CDK11B: variants seen among roughly 807,000 people sequenced by gnomAD.
CDK11B encodes cyclin-dependent kinase 11B.
Under a neutral mutation model 84.0 loss-of-function variants are expected in CDK11B, and 37 were observed. That is an observed-to-expected ratio of 0.44 (90% confidence interval 0.34 to 0.58). The LOEUF (loss-of-function observed/expected upper bound fraction) is 0.58. Among genes scored for constraint, CDK11B ranks in the 20% least tolerant of loss-of-function variants. The probability of loss-of-function intolerance (pLI) is 0.02; values close to 1 mark genes in which losing one functional copy is unlikely to be tolerated. For synonymous variants in CDK11B, 269 were observed against 309.8 expected (o/e 0.87, Z 1.38); for missense variants, 427 against 834.0 (o/e 0.51, Z 6.01).
intron 5 of CDK11B, among the ~76,000 whole-genome samples, chr1:1,648,349 C>T (rs1253663109): frequency 6.6e-6 from 1 of 152,214 alleles, no homozygotes; most frequent in East Asian, 1.9e-4. Flanking sequence ...GAATGTTTCA[C>T]ACACTAACAG....
chr1:1,646,565 G>C, intron 5 of CDK11B: 1 of 496,386 alleles, frequency 2.0e-6, no homozygotes, highest in Non-Finnish European at 4.0e-6. Flanking sequence ...AGGAGAGATA[G>C]TTACAGGATA....
At chr1:1,637,560 C>G in intron 13 of CDK11B, 47 bp from the exon 14 acceptor site, 1 of 1,608,582 alleles carries the variant, frequency 6.2e-7, no homozygotes, top group South Asian at 1.1e-5. Context: ...AGGCCCCCAC[C>G]CACCCCTGCA....
chr1:1,638,964 G>C (rs189980122), intron 11 of CDK11B, among the ~76,000 whole-genome samples: 1 of 141,928 alleles, frequency 7.0e-6, no homozygotes, highest in Non-Finnish European at 1.5e-5. Context: ...TTTTTGAGAC[G>C]GAGTCTCGCT....
intron 12 of CDK11B, 131 bp downstream of exon 12, chr1:1,638,369 C>G: frequency 2.7e-6 from 2 of 728,416 alleles, no homozygotes; most frequent in Middle Eastern, 2.6e-4. Context: ...CCTCTGGCTT[C>G]TAGAGGTGCT....
intron 3 of CDK11B, chr1:1,654,058 T>C: frequency 2.3e-6 from 1 of 432,904 alleles, no homozygotes; most frequent in Non-Finnish European, 4.6e-6. Flanking sequence ...CAAAGCGTCA[T>C]TTAACAGTAT....
Position 1,656,752 on chromosome 1 carries a change from A to T in CDK11B, c.111+623T>A, listed in dbSNP as rs574736655. On this transcript the variant is annotated intron_variant, in intron 2 of 19. Transcript: ENST00000341832. ...CAGTGCGAGACTCCGTCTCAAAAAC[A>T]AAAAAAAAGCTAACAAAGTGAGCAC... 1.4e-4 allele frequency among the ~76,000 whole-genome samples: 21 copies of T among 151,834 alleles called. No homozygotes were observed. The South Asian group carries it at 4.4e-3, about 32-fold the overall frequency.
At chr1:1,650,183 T>C (rs1332627915) in intron 4 of CDK11B, among the ~76,000 whole-genome samples, 3 of 139,174 alleles carry the variant, frequency 2.2e-5, no homozygotes, top group Admixed American at 7.5e-5. Flanking sequence ...GGCGGGAGAA[T>C]AGCGTGAACC....
At chr1:1,653,870 G>A (rs1383720668) in intron 3 of CDK11B, among the ~76,000 whole-genome samples, 6 of 114,518 alleles carry the variant, frequency 5.2e-5, no homozygotes, top group South Asian at 3.0e-4. Flanking sequence ...ACACCCGAGC[G>A]TGGTGGCGCA....
Position 1,636,607 on chromosome 1 carries a change from C to A in CDK11B, c.1917+75G>T, listed in dbSNP as rs1639334046. On this transcript the variant is annotated intron_variant, in intron 17 of 19. Transcript: ENST00000341832. ...CCCTGGTCCCCATCTCAACCCAGCA[C>A]CTGTGCGCCCCGCAGCCCCATTCCT... 3 of 1,599,468 alleles carry A rather than the reference C, an allele frequency of 1.9e-6. No homozygotes were observed. In the African/African-American group the frequency reaches 4.0e-5, roughly 21 times the overall value.
chr1:1,636,933 C>G lies in CDK11B; in HGVS notation c.1764G>C (p.Leu588=). ...LKAYTPVVVT[L]WYRAPELLLG... ...GCAGCAGCTCTGGGGCGCGGTACCA[C>G]AGGGTCACCACGACCGGGGTGTAGG... The change falls in exon 16 of 20, where the codon CTG becomes CTC. Residue 588 remains leucine, a synonymous_variant. Transcript: ENST00000341832. 1 of 1,607,358 alleles carries G rather than the reference C, an allele frequency of 6.2e-7. No individual in the cohort carries two copies. The highest frequency in any genetic ancestry group is 8.5e-7 in the Non-Finnish European group (1 of 1,175,870).
chr1:1,656,119 A>G (rs1244942733), intron 2 of CDK11B, among the ~76,000 whole-genome samples: 1 of 152,182 alleles, frequency 6.6e-6, no homozygotes, highest in Admixed American at 6.5e-5. Context: ...TCCCTTGGAG[A>G]TATTTTGGGT....
chr1:1,647,258 C>T (rs1466037410), intron 5 of CDK11B, among the ~76,000 whole-genome samples: 1 of 152,268 alleles, frequency 6.6e-6, no homozygotes, highest in Non-Finnish European at 1.5e-5. Flanking sequence ...ACAGTTTTTA[C>T]TGATGATGTT....
intron 2 of CDK11B, among the ~76,000 whole-genome samples, chr1:1,655,719 C>T (rs1210112608): frequency 2.6e-5 from 4 of 151,530 alleles, no homozygotes; most frequent in Admixed American, 1.3e-4. Context: ...GTCAGGAGCT[C>T]GAGACCACCC....
At chr1:1,638,982 C>T (rs1391335835) in intron 11 of CDK11B, among the ~76,000 whole-genome samples, 3 of 149,384 alleles carry the variant, frequency 2.0e-5, no homozygotes, top group South Asian at 2.1e-4. Flanking sequence ...GCTCTGTCAC[C>T]CAGGCTGGAG....
chr1:1,637,655 C>A, intron 13 of CDK11B, 107 bp downstream of exon 13: 1 of 1,608,776 alleles, frequency 6.2e-7, no homozygotes, highest in East Asian at 2.2e-5. Context: ...CTGTGAAGGG[C>A]TCCACTAAGT....
chr1:1,649,865 C>T (rs1641664866), intron 4 of CDK11B, among the ~76,000 whole-genome samples: 1 of 150,184 alleles, frequency 6.7e-6, no homozygotes, highest in African/African-American at 2.5e-5. Flanking sequence ...ATCCCAGCTA[C>T]TAAGCGAGGC....
Position 1,637,410 on chromosome 1 carries a change from G to C in CDK11B, c.1568C>G (p.Pro523Arg), listed in dbSNP as rs564859169. The change falls in exon 14 of 20, where the codon CCA (proline) becomes CGA (arginine). Residue 523 changes from proline (P) to arginine (R), a missense_variant and splice_region_variant. By Grantham distance (103) the Pro-to-Arg change is moderately radical (BLOSUM62 -2). This residue lies in a region of CDK11B where 19 missense variants were observed against 22.5 expected (regional missense o/e 0.85). Transcript: ENST00000341832. ...AGGCCCCTGGGGCGCGGCTGTACCT[G>C]GCAGGAAGGGCTGTTTCATGGTCTC... ...LMETMKQPFLPGEVKTLMIQL... is the reference protein window; with the variant it reads ...LMETMKQPFLRGEVKTLMIQL... 2 of 1,613,574 alleles carry C rather than the reference G, an allele frequency of 1.2e-6. No individual in the cohort carries two copies. The highest frequency in any genetic ancestry group is 1.7e-6 in the Non-Finnish European group (2 of 1,179,700).
intron 3 of CDK11B, among the ~76,000 whole-genome samples, chr1:1,654,574 C>T (rs1642468616): frequency 1.3e-5 from 2 of 151,886 alleles, no homozygotes; most frequent in African/African-American, 2.4e-5. Context: ...TGAGCTGCCG[C>T]GTCCGGCCAA....
chr1:1,653,903 G>C (rs1253650187), intron 3 of CDK11B, among the ~76,000 whole-genome samples: 19 of 150,790 alleles, frequency 1.3e-4, no homozygotes, highest in Non-Finnish European at 4.4e-5. Flanking sequence ...CAGCTACTCA[G>C]GAGTCTGAGG....
Sources: gnomAD v4.1 joint callset for allele counts (sites outside exome capture counted in the v4.1 genomes callset) on GRCh38, gnomAD v4.1.1 for gene constraint, gnomAD v4.1.1 regional missense constraint, MANE v1.5 for transcripts, NCBI Gene and HGNC (gene_info 2026-07-23, HGNC 2026-07-21) for gene names.